The following DMD variants were observed in gnomAD, a reference collection of about 807,000 sequenced individuals.
The protein encoded by DMD is dystrophin.
DMD carries 63 observed loss-of-function variants against 330.1 expected under a neutral mutation model. The observed-to-expected ratio is 0.19, with a 90% CI of 0.16 to 0.24. The LOEUF (loss-of-function observed/expected upper bound fraction) is 0.24. Among genes scored for constraint, DMD ranks in the 10% least tolerant of loss-of-function variants. The pLI, the probability that DMD is intolerant of heterozygous loss-of-function variation, is 1.00. For missense variants in DMD, 3,344 were observed against 2,684.1 expected (o/e 1.25, Z -5.43); for synonymous variants, 1,223 against 959.8 (o/e 1.27, Z -5.07).
intron 51 of DMD, among the ~76,000 whole-genome samples, chrX:31,763,529 C>T (rs1216038808): frequency 8.9e-6 from 1 of 112,122 alleles, no homozygotes; most frequent in Non-Finnish European, 1.9e-5. Flanking sequence ...TGCCACTGCA[C>T]TCCAGCCCGG....
chrX:31,605,151 G>A (rs1386507357), intron 55 of DMD, among the ~76,000 whole-genome samples: 4 of 112,002 alleles, frequency 3.6e-5, no homozygotes, highest in Admixed American at 1.9e-4. Flanking sequence ...CTAGCAGCTT[G>A]TAGCTGTGGA....
At chrX:32,002,932 A>C (rs749597030) in intron 44 of DMD, among the ~76,000 whole-genome samples, 1 of 111,462 alleles carries the variant, frequency 9.0e-6, no homozygotes, top group Non-Finnish European at 1.9e-5. Context: ...GTCCTATGGA[A>C]AGTGTTGGAG....
intron 7 of DMD, among the ~76,000 whole-genome samples, chrX:32,747,525 G>T (rs2070204729): frequency 8.9e-6 from 1 of 111,783 alleles, no homozygotes; most frequent in Non-Finnish European, 1.9e-5. Flanking sequence ...CTGTTGTCCA[G>T]GCTCGAGTGC....
chrX:31,528,715 T>C (rs1309682076), intron 55 of DMD, among the ~76,000 whole-genome samples: 1 of 112,215 alleles, frequency 8.9e-6, no homozygotes, highest in Admixed American at 9.4e-5. Context: ...GAAGAAAATA[T>C]ATGGTGAGTA....
chrX:32,506,850 G>A (rs115054714), intron 18 of DMD, among the ~76,000 whole-genome samples: 12 of 111,715 alleles, frequency 1.1e-4, no homozygotes, highest in Non-Finnish European at 2.1e-4. Context: ...GCACAATCAT[G>A]GATGGTTCTA....
intron 1 of DMD, among the ~76,000 whole-genome samples, chrX:33,114,901 C>T (rs376293927): frequency 9.0e-6 from 1 of 111,208 alleles, no homozygotes; most frequent in African/African-American, 3.3e-5. Flanking sequence ...GTTAATTTGG[C>T]TAAATCTGCC....
chrX:31,971,219 A>G (rs888607124), intron 44 of DMD, among the ~76,000 whole-genome samples: 2 of 112,085 alleles, frequency 1.8e-5, no homozygotes, highest in Non-Finnish European at 3.8e-5. Flanking sequence ...TAAGCAATCA[A>G]GGAATTCTTA....
At chrX:32,095,900 A>T (rs1411672806) in intron 44 of DMD, among the ~76,000 whole-genome samples, 1 of 63,908 alleles carries the variant, frequency 1.6e-5, no homozygotes, top group African/African-American at 6.9e-5. Flanking sequence ...ACTACAGTTG[A>T]TTATAAGTTT....
At chrX:33,250,116 T>C (rs2052748657) in intron 1 of DMD, among the ~76,000 whole-genome samples, 1 of 100,646 alleles carries the variant, frequency 9.9e-6, no homozygotes, top group Non-Finnish European at 2.0e-5. Flanking sequence ...TATATATCAA[T>C]GTACACTTGT....
intron 15 of DMD, among the ~76,000 whole-genome samples, chrX:32,569,349 G>A (rs1378687896): frequency 8.9e-6 from 1 of 112,026 alleles, no homozygotes; most frequent in Non-Finnish European, 1.9e-5. Context: ...TATATTATGT[G>A]TAGTTACTTA....
In DMD at chrX:32,027,164, G is replaced by GCGCA. The variant is rs1557075784; in HGVS notation, c.6439-58651_6439-58650insTGCG. On this transcript the variant is annotated intron_variant, in intron 44 of 78. Coordinates refer to ENST00000357033, the MANE Select transcript of DMD (RefSeq NM_004006.3). ...TTATGACACACACACACACGCACGT[G>GCGCA]CACACACACACACACACACAGAGAG... is the stretch of plus-strand genomic sequence containing the variant. 4.1e-4 allele frequency among the ~76,000 whole-genome samples: 37 copies of GCGCA among 89,514 alleles called. No homozygotes were observed. In the East Asian group the frequency reaches 7.8e-3, roughly 19 times the overall value. 77.7% of individuals were successfully genotyped at this position (89,514 alleles called of 115,157 possible).
At position 31,726,918 on chromosome X, in the gene DMD, G is replaced by C. The variant is rs1024579448; in HGVS notation, c.7660+2713C>G. Among the ~76,000 whole-genome samples the C allele has an allele frequency of 7.2e-5, 8 of 111,328 alleles. No homozygotes were observed. The Admixed American group carries it at 7.6e-4, about 11-fold the overall frequency. Reference sequence around the variant, plus strand: ...TTCATTCCTAAAAGACAAAAGCTTAGAAAAGAAGAACTATTCAAATCACTG... The same window carrying C: ...TTCATTCCTAAAAGACAAAAGCTTACAAAAGAAGAACTATTCAAATCACTG... On this transcript the variant is annotated intron_variant, in intron 52 of 78. Transcript: ENST00000357033.
intron 44 of DMD, among the ~76,000 whole-genome samples, chrX:32,142,417 A>G (rs747208915): frequency 1.5e-3 from 167 of 111,941 alleles, no homozygotes; most frequent in Middle Eastern, 9.3e-3. Context: ...TTTTACTTGC[A>G]CTTGCTGAGT....
At chrX:31,612,373 T>G (rs1168122878) in intron 55 of DMD, among the ~76,000 whole-genome samples, 2 of 112,156 alleles carry the variant, frequency 1.8e-5, no homozygotes, top group African/African-American at 6.5e-5. Context: ...ATTTCTATCA[T>G]TTGTCCAACT....
chrX:31,333,705 T>C (rs958473104), intron 61 of DMD, among the ~76,000 whole-genome samples: 17 of 110,468 alleles, frequency 1.5e-4, no homozygotes, highest in African/African-American at 5.3e-4. Flanking sequence ...CTTCGATTTT[T>C]TTTTTCCACA....
At chrX:32,233,450 C>T (rs1247950938) in intron 43 of DMD, among the ~76,000 whole-genome samples, 1 of 110,446 alleles carries the variant, frequency 9.1e-6, no homozygotes, top group Non-Finnish European at 1.9e-5. Context: ...TTTTTGAGTT[C>T]ATTTATGCAG....
chrX:31,929,801 C>T, intron 46 of DMD, 56 bp from the exon 47 acceptor site: 2 of 1,188,889 alleles, frequency 1.7e-6, no homozygotes, highest in East Asian at 3.0e-5. Flanking sequence ...ATTCCAACTA[C>T]CTTGTCTTTG....
chrX:31,269,349 AT>A (rs1162563893), intron 62 of DMD, among the ~76,000 whole-genome samples: 1 of 110,579 alleles, frequency 9.0e-6, no homozygotes, highest in Non-Finnish European at 1.9e-5. Flanking sequence ...TTCTGATTAT[AT>A]TATTATTATT....
chrX:31,471,489 C>A (rs2067301331), intron 59 of DMD, among the ~76,000 whole-genome samples: 1 of 111,927 alleles, frequency 8.9e-6, no homozygotes, highest in Non-Finnish European at 1.9e-5. Flanking sequence ...CACTGTCTAA[C>A]CAGTCCCAGT....
Sources: allele counts gnomAD v4.1 joint callset (sites outside exome capture counted in the v4.1 genomes callset), GRCh38; gene constraint gnomAD v4.1.1; transcripts MANE v1.5; gene names NCBI Gene and HGNC (gene_info 2026-07-23, HGNC 2026-07-21).